The following ECT2L variants were observed in gnomAD, a reference collection of about 807,000 sequenced individuals.
ECT2L encodes the protein epithelial cell transforming 2 like.
A neutral mutation model predicts 122.8 loss-of-function variants in ECT2L; 126 were observed. That is an observed-to-expected ratio of 1.03 (90% CI 0.89 to 1.19). ECT2L has a LOEUF of 1.19. Ranked by LOEUF, ECT2L falls within the 50% of genes most tolerant of loss-of-function variation. The pLI is 0.00. For missense variants in ECT2L, 1,012 were observed against 1,064.1 expected (o/e 0.95, Z 0.68); for synonymous variants, 385 against 381.8 (o/e 1.01, Z -0.10).
At chr6:138,896,876 G>GA (rs1390776917) in intron 20 of ECT2L, among the ~76,000 whole-genome samples, 1 of 152,040 alleles carries the variant, frequency 6.6e-6, no homozygotes, top group Non-Finnish European at 1.5e-5. Flanking sequence ...TCAAACTCCT[G>GA]ACTCTGTGAT....
chr6:138,864,853 G>T, intron 11 of ECT2L, 143 bp from the exon 12 acceptor site: 1 of 659,076 alleles, frequency 1.5e-6, no homozygotes, highest in East Asian at 2.8e-5. Flanking sequence ...AACAGAGGAT[G>T]GGTGTTTGTC....
At chr6:138,839,629 A>G (rs1169122915) in intron 5 of ECT2L, among the ~76,000 whole-genome samples, 4 of 152,060 alleles carry the variant, frequency 2.6e-5, no homozygotes, top group East Asian at 1.9e-4. Context: ...CTCCCATAGT[A>G]CTGGGATTAC....
chr6:138,873,524 C>T (rs1449744297), intron 13 of ECT2L, among the ~76,000 whole-genome samples: 2 of 152,180 alleles, frequency 1.3e-5, no homozygotes, highest in East Asian at 1.9e-4. Context: ...CCGGGAGCAG[C>T]GGCTCACGCC....
At chr6:138,844,288 C>G (rs886560611) in intron 6 of ECT2L, 124 bp from the exon 7 acceptor site, 2 of 1,112,886 alleles carry the variant, frequency 1.8e-6, no homozygotes, top group Non-Finnish European at 2.5e-6. Flanking sequence ...ATGAAAATGG[C>G]TGTAATTATT....
At position 138,831,975 on chromosome 6, in the gene ECT2L, G is replaced by C. The variant is rs531398173; in HGVS notation, c.180-6377G>C. On this transcript the variant is annotated intron_variant, in intron 4 of 21. Coordinates refer to ENST00000541398, the MANE Select transcript of ECT2L (RefSeq NM_001077706.3). ...AGATATTTCAGGAACTTTGTATGCT[G>C]CATGAAACTCTCCTATGGATAATAG... 2.2e-4 allele frequency among the ~76,000 whole-genome samples: 34 copies of C among 152,238 alleles called. No homozygotes were observed. The South Asian group carries it at 6.8e-3, about 31-fold the overall frequency.
In ECT2L at chr6:138,890,266, G is replaced by A. The variant is rs564894389; in HGVS notation, c.2414+1235G>A. Among the ~76,000 whole-genome samples, 3 of 151,944 alleles carry A rather than the reference G, an allele frequency of 2.0e-5. No individual in the cohort carries two copies. In the East Asian group the frequency reaches 5.8e-4, roughly 29 times the overall value. ...TCAGCAAACAGCAACCAAAGGGAGG[G>A]GAATTAACTCCTTTAATTTGTTCAA... On this transcript the variant is annotated intron_variant, in intron 20 of 21. Coordinates refer to ENST00000541398, the MANE Select transcript of ECT2L (RefSeq NM_001077706.3).
intron 3 of ECT2L, among the ~76,000 whole-genome samples, chr6:138,813,777 C>T (rs769986885): frequency 2.0e-5 from 3 of 152,180 alleles, no homozygotes; most frequent in Non-Finnish European, 4.4e-5. Context: ...AGGAAGTCGT[C>T]ATTTAATGGC....
In ECT2L at chr6:138,849,467, G is replaced by A. The variant is rs377080795; in HGVS notation, c.1069+33G>A. 1.9e-6 allele frequency: 3 copies of A among 1,589,774 alleles called. No homozygotes were observed. In the African/African-American group the frequency reaches 4.1e-5, roughly 21 times the overall value. ...TGGGGATTGGCGGATGAACAACCAT[G>A]GAACTTCGCGCTGTGCACTTTGTCC... On this transcript the variant is annotated intron_variant, in intron 9 of 21. Coordinates refer to ENST00000541398, the MANE Select transcript of ECT2L (RefSeq NM_001077706.3).
At chr6:138,808,041 AACACACACACAGCCATGCACACAC>A (rs957777715) in intron 1 of ECT2L, among the ~76,000 whole-genome samples, 1 of 151,956 alleles carries the variant, frequency 6.6e-6, no homozygotes, top group Non-Finnish European at 1.5e-5. Context: ...CAGTTTGTCA[AACACACACACAGCCATGCACACAC>A]ACACACACCC....
chr6:138,866,606 C>T (rs1018826715), intron 12 of ECT2L, among the ~76,000 whole-genome samples: 6 of 152,002 alleles, frequency 3.9e-5, no homozygotes, highest in East Asian at 1.9e-4. Context: ...AGGTTGGTCT[C>T]GAACTCCTGA....
intron 1 of ECT2L, among the ~76,000 whole-genome samples, chr6:138,803,774 G>C (rs941950565): frequency 6.6e-6 from 1 of 152,150 alleles, no homozygotes; most frequent in Non-Finnish European, 1.5e-5. Context: ...CATGCTGCTC[G>C]TCTGTAACAT....
intron 1 of ECT2L, among the ~76,000 whole-genome samples, chr6:138,810,335 G>T (rs1249188313): frequency 6.6e-6 from 1 of 152,094 alleles, no homozygotes; most frequent in Non-Finnish European, 1.5e-5. Flanking sequence ...AAGTATGGTT[G>T]TCACACCATT....
chr6:138,822,750 G>C, intron 4 of ECT2L: 1 of 1,589,850 alleles, frequency 6.3e-7, no homozygotes, highest in Non-Finnish European at 8.6e-7. Context: ...TGGAGCCATG[G>C]CTTTGGAACA....
At chr6:138,900,278 G>A (rs1011950281) in intron 20 of ECT2L, among the ~76,000 whole-genome samples, 9 of 150,178 alleles carry the variant, frequency 6.0e-5, no homozygotes, top group South Asian at 2.1e-4. Flanking sequence ...GCGGAGTCTC[G>A]CCCTGTCACC....
intron 20 of ECT2L, among the ~76,000 whole-genome samples, chr6:138,892,053 T>A (rs1316905602): frequency 6.6e-6 from 1 of 152,218 alleles, no homozygotes; most frequent in Non-Finnish European, 1.5e-5. Context: ...TCATCTGGTA[T>A]TCCCATTATG....
intron 4 of ECT2L, among the ~76,000 whole-genome samples, chr6:138,826,099 C>A (rs1266463749): frequency 6.6e-6 from 1 of 152,210 alleles, no homozygotes; most frequent in African/African-American, 2.4e-5. Flanking sequence ...TCCACAGGCT[C>A]CTCTGCTCTC....
At chr6:138,828,389 C>T (rs1466145311) in intron 4 of ECT2L, among the ~76,000 whole-genome samples, 2 of 152,194 alleles carry the variant, frequency 1.3e-5, no homozygotes, top group East Asian at 3.8e-4. Context: ...TAGGGTTTCC[C>T]ACAGTCTGCA....
intron 9 of ECT2L, among the ~76,000 whole-genome samples, chr6:138,850,620 C>T (rs942583917): frequency 5.9e-5 from 9 of 152,138 alleles, no homozygotes; most frequent in African/African-American, 2.2e-4. Flanking sequence ...GGGTATGCAA[C>T]CATCTCTTTG....
At chr6:138,827,282 A>AGGTT (rs111509593) in intron 4 of ECT2L, among the ~76,000 whole-genome samples, 4,169 of 151,086 alleles carry the variant, frequency 0.028, 176 homozygotes, top group African/African-American at 0.095. Flanking sequence ...TGGGAGGTGG[A>AGGTT]GGTTGTAGTG....
Sources: gnomAD v4.1 joint callset for allele counts (sites outside exome capture counted in the v4.1 genomes callset) on GRCh38, gnomAD v4.1.1 for gene constraint, MANE v1.5 for transcripts, NCBI Gene and HGNC (gene_info 2026-07-23, HGNC 2026-07-21) for gene names.